Variants in RIMS2 observed in about 807,000 individuals in gnomAD.
RIMS2 encodes the protein regulating synaptic membrane exocytosis protein 2.
A neutral mutation model predicts 174.4 loss-of-function variants in RIMS2; 59 were observed. The ratio of observed to expected loss-of-function variants is 0.34; its 90% confidence interval spans 0.27 to 0.42. The LOEUF (loss-of-function observed/expected upper bound fraction) is 0.42. RIMS2 is among the 10% of genes least tolerant of loss of function. The pLI is 1.00. For synonymous variants in RIMS2, 606 were observed against 572.5 expected, an observed-to-expected ratio of 1.06 and a Z score of -0.84; for missense variants, 1,620 against 1,666.3, an observed-to-expected ratio of 0.97 and a Z score of 0.48.
intron 9 of RIMS2, among the ~76,000 whole-genome samples, chr8:103,919,223 T>C (rs1172015868): frequency 6.6e-6 from 1 of 152,112 alleles, no homozygotes; most frequent in Non-Finnish European, 1.5e-5. Flanking sequence ...AAGGAAGGAT[T>C]GAAGGAAACA....
intron 1 of RIMS2, among the ~76,000 whole-genome samples, chr8:103,674,067 A>G (rs1353893102): frequency 6.6e-6 from 1 of 152,240 alleles, no homozygotes; most frequent in African/African-American, 2.4e-5. Context: ...GAATGCAGCT[A>G]AACTTTTTGC....
chr8:104,083,596 A>G (rs974938822), intron 19 of RIMS2, among the ~76,000 whole-genome samples: 1 of 152,204 alleles, frequency 6.6e-6, no homozygotes, highest in Non-Finnish European at 1.5e-5. Context: ...TCTTAATTCT[A>G]GTAGATCTTA....
intron 19 of RIMS2, among the ~76,000 whole-genome samples, chr8:104,163,532 GACAAAT>G (rs2098777138): frequency 6.6e-6 from 1 of 152,130 alleles, no homozygotes; most frequent in Admixed American, 6.5e-5. Flanking sequence ...TGTCCACAAA[GACAAAT>G]GACCTTTTGA....
At chr8:103,644,479 G>A (rs1443684945) in intron 1 of RIMS2, among the ~76,000 whole-genome samples, 2 of 152,154 alleles carry the variant, frequency 1.3e-5, no homozygotes, top group Admixed American at 6.6e-5. Context: ...GACGAATGTA[G>A]GAGTTCACTG....
intron 2 of RIMS2, among the ~76,000 whole-genome samples, chr8:103,736,974 A>G (rs1425598128): frequency 2.0e-5 from 3 of 152,092 alleles, no homozygotes; most frequent in East Asian, 1.9e-4. Context: ...AGAGAATAGA[A>G]GATGGGAATA....
chr8:103,581,787 G>A (rs1378428773), intron 1 of RIMS2, among the ~76,000 whole-genome samples: 1 of 152,260 alleles, frequency 6.6e-6, no homozygotes, highest in Non-Finnish European at 1.5e-5. Context: ...TCCCCCATAA[G>A]GATACCTCAC....
chr8:104,043,728 A>T (rs2096647698), intron 19 of RIMS2, among the ~76,000 whole-genome samples: 1 of 151,726 alleles, frequency 6.6e-6, no homozygotes, highest in Admixed American at 6.6e-5. Flanking sequence ...AATTCCAAAT[A>T]ATGTGAAGAT....
At chr8:103,541,547 G>A (rs4734719) in intron 1 of RIMS2, among the ~76,000 whole-genome samples, 57,295 of 151,942 alleles carry the variant, frequency 0.38, 11,141 homozygotes, top group African/African-American at 0.4. Context: ...ACTGAAATAA[G>A]AAAAGAAATG....
rs1458877758 is a variant in RIMS2 at position 103,940,888 on chromosome 8, A to AG, written c.2548-1885_2548-1884insG. ...GAGACTCCATCTCAAAAAAAAAAAAAAAAAGCTAAAATCCCTTGTGTGACC... is the reference window on the plus strand; with the variant it reads ...GAGACTCCATCTCAAAAAAAAAAAAAGAAAAGCTAAAATCCCTTGTGTGACC... On this transcript the variant is annotated intron_variant, in intron 13 of 23. Coordinates refer to ENST00000504942, the Ensembl canonical transcript of RIMS2. 3.3e-5 allele frequency among the ~76,000 whole-genome samples: 5 copies of AG among 151,782 alleles called. No individual in the cohort carries two copies. In the East Asian group the frequency reaches 9.7e-4, roughly 29 times the overall value.
At chr8:104,204,334 A>G (rs555682058) in intron 19 of RIMS2, among the ~76,000 whole-genome samples, 2 of 152,282 alleles carry the variant, frequency 1.3e-5, no homozygotes, top group South Asian at 4.1e-4. Flanking sequence ...CAAACTAGGT[A>G]ATAAACCTTT....
intron 19 of RIMS2, among the ~76,000 whole-genome samples, chr8:104,188,889 G>A (rs577632910): frequency 1.3e-4 from 20 of 151,826 alleles, no homozygotes; most frequent in Admixed American, 2.6e-4. Flanking sequence ...AGCAGTAGTT[G>A]TATGGACTGG....
chr8:103,925,421 T>C (rs2173080), intron 10 of RIMS2, among the ~76,000 whole-genome samples: 19,210 of 151,578 alleles, frequency 0.13, 1,685 homozygotes, highest in Non-Finnish European at 0.19. Context: ...AAAAACTTTC[T>C]ATAAATGACA....
chr8:103,929,563 C>CTT (rs532849891), intron 11 of RIMS2, among the ~76,000 whole-genome samples: 2,743 of 151,598 alleles, frequency 0.018, 31 homozygotes, highest in Non-Finnish European at 0.029. Flanking sequence ...TCAGAGAAAG[C>CTT]TTTTTAATGT....
At chr8:103,993,809 T>C (rs185221794) in intron 17 of RIMS2, among the ~76,000 whole-genome samples, 39 of 152,180 alleles carry the variant, frequency 2.6e-4, no homozygotes, top group African/African-American at 8.4e-4. Context: ...GGCACATCAC[T>C]TGAGCCCAGG....
chr8:103,918,348 TCTC>T, intron 8 of RIMS2, 90 bp from the exon 12 acceptor site: 1 of 688,166 alleles, frequency 1.5e-6, no homozygotes, highest in Non-Finnish European at 2.4e-6. Flanking sequence ...CATTTTACAC[TCTC>T]CTATTAATAG....
chr8:104,189,883 C>G (rs929369742), intron 19 of RIMS2, among the ~76,000 whole-genome samples: 1 of 151,994 alleles, frequency 6.6e-6, no homozygotes, highest in African/African-American at 2.4e-5. Context: ...AAGGGACCAT[C>G]TAATCCAACT....
intron 19 of RIMS2, among the ~76,000 whole-genome samples, chr8:104,127,852 A>G (rs2098444518): frequency 6.6e-6 from 1 of 152,176 alleles, no homozygotes; most frequent in African/African-American, 2.4e-5. Context: ...CTGGGAATAA[A>G]TACCAGCTTG....
intron 19 of RIMS2, chr8:104,041,357 A>T (rs1448488343): frequency 1.4e-6 from 1 of 693,078 alleles, no homozygotes; most frequent in South Asian, 1.5e-5. Flanking sequence ...GAAGATATGC[A>T]GGTCTGTCTC....
At chr8:103,586,982 T>G (rs1373202158) in intron 1 of RIMS2, among the ~76,000 whole-genome samples, 1 of 152,028 alleles carries the variant, frequency 6.6e-6, no homozygotes, top group Non-Finnish European at 1.5e-5. Context: ...ATATTATCAA[T>G]AATAACATTG....
Sources: allele counts gnomAD v4.1 joint callset (sites outside exome capture counted in the v4.1 genomes callset), GRCh38; gene constraint gnomAD v4.1.1; transcripts MANE v1.5; gene names NCBI Gene and HGNC (gene_info 2026-07-23, HGNC 2026-07-21).